CORO7: variants seen among roughly 807,000 people sequenced by gnomAD.
CORO7 encodes the protein coronin-7.
A neutral mutation model predicts 126.6 loss-of-function variants in CORO7; 107 were observed. That is an observed-to-expected ratio of 0.85 (90% confidence interval 0.72 to 0.99). The LOEUF (loss-of-function observed/expected upper bound fraction) is 0.99, where lower values mean the gene tolerates loss of function less well. Ranked by LOEUF, CORO7 falls within the 50% of genes least tolerant of loss-of-function variation. The pLI, the probability that CORO7 is intolerant of heterozygous loss-of-function variation, is 0.00. For missense variants in CORO7, 1,314 were observed against 1,255.8 expected, an observed-to-expected ratio of 1.05 and a Z score of -0.70; for synonymous variants, 603 against 536.8, an observed-to-expected ratio of 1.12 and a Z score of -1.70.
At position 4,402,007 on chromosome 16, in the gene CORO7, C is replaced by T. The variant is rs774826814; in HGVS notation, c.564+3484G>A. On this transcript the variant is annotated intron_variant, in intron 6 of 27. Coordinates refer to ENST00000251166, the MANE Select transcript of CORO7 (RefSeq NM_024535.5). ...AGGCTGGAGTGCAATGGTGTGATCT[C>T]GGCTCACCGCAACCTCCACCTCCCA... Among the ~76,000 whole-genome samples, 47 of 144,770 alleles carry T rather than the reference C, an allele frequency of 3.2e-4. 1 individual carries two copies. Among genetic ancestry groups the T allele is most frequent in the Non-Finnish European group, 2.7e-4 (18 of 66,006 alleles). The allele number at this position is 144,770 out of a possible 152,430, so 95.0% of individuals were successfully genotyped here. A position where few individuals can be genotyped will look rare whatever the true frequency, so the allele number is the denominator to read the frequency against.
chr16:4,364,946 G>T (rs773220704), intron 11 of CORO7, 26 bp from the exon 12 acceptor site: 1 of 1,607,826 alleles, frequency 6.2e-7, no homozygotes, highest in Non-Finnish European at 8.5e-7. Context: ...TAGGGGAACA[G>T]GCAGGATGGG....
In CORO7 at chr16:4,355,303, C is replaced by G. The variant is rs543226131; in HGVS notation, c.2755G>C (p.Val919Leu). 1 of 1,613,478 alleles carries G rather than the reference C, an allele frequency of 6.2e-7. No individual in the cohort carries two copies. Among genetic ancestry groups the G allele is most frequent in the South Asian group, 1.1e-5 (1 of 90,992 alleles). Residue 919 changes from valine to leucine, a missense_variant, in exon 27 of 28, where the codon GTG (valine) becomes CTG (leucine). Coordinates refer to ENST00000251166, the MANE Select transcript of CORO7 (RefSeq NM_024535.5). The stretch of plus-strand genomic sequence containing the variant: ...CTACTCACCCACTCGTCCTCGTCCA[C>G]GCCTTCAAAGGAGTCCTGGGGGAGT... ...DPLPQDSFEG[V>L]DEDEWD is the part of the protein sequence containing the mutation.
intron 9 of CORO7, chr16:4,381,323 G>C (rs751788527): frequency 6.2e-7 from 1 of 1,610,572 alleles, no homozygotes; most frequent in Non-Finnish European, 8.5e-7. Flanking sequence ...ACGCTCGACC[G>C]CCTCCTGGAG....
chr16:4,362,777 T>G lies in CORO7; in HGVS notation c.1276-39A>C. ...TGGGGTCAGCCAGCCTGCTCCTAGG[T>G]GTACTGGCCAAAAGGAGGGGGTGCC... On this transcript the variant is annotated intron_variant, in intron 14 of 27. Coordinates refer to ENST00000251166, the MANE Select transcript of CORO7 (RefSeq NM_024535.5). The surrounding 1 kb of genome is among the most constrained non-coding windows in gnomAD (Gnocchi z 5.3). 1 of 1,313,050 alleles carries G rather than the reference T, an allele frequency of 7.6e-7. No homozygotes were observed. Among genetic ancestry groups the G allele is most frequent in the African/African-American group, 1.5e-5 (1 of 65,232 alleles). 81.3% of individuals were successfully genotyped at this position (1,313,050 alleles called of 1,614,324 possible). A position where few individuals can be genotyped will look rare whatever the true frequency, so the allele number is the denominator to read the frequency against.
intron 1 of CORO7, 24 bp downstream of exon 1, chr16:4,416,435 G>C: frequency 6.4e-7 from 1 of 1,555,092 alleles, no homozygotes; most frequent in Admixed American, 1.9e-5. Flanking sequence ...AGGCGACAGC[G>C]CCCGGTCCTC....
intron 9 of CORO7, among the ~76,000 whole-genome samples, chr16:4,369,826 T>G (rs934284232): frequency 6.6e-6 from 1 of 151,994 alleles, no homozygotes; most frequent in Non-Finnish European, 1.5e-5. Flanking sequence ...GAGAGTTAGT[T>G]AGGATCCTTT....
At chr16:4,401,294 G>A (rs956179813) in intron 6 of CORO7, among the ~76,000 whole-genome samples, 3 of 152,232 alleles carry the variant, frequency 2.0e-5, no homozygotes, top group Non-Finnish European at 4.4e-5. Context: ...CACGTGAGGA[G>A]GCAGATGGTG....
chr16:4,380,458 C>A (rs2404814), intron 9 of CORO7, among the ~76,000 whole-genome samples: 3 of 152,262 alleles, frequency 2.0e-5, no homozygotes, highest in Admixed American at 2.0e-4. Context: ...CTTACACACC[C>A]ACCCAGCTGC....
At chr16:4,407,394 C>A in intron 5 of CORO7, 107 bp downstream of exon 5, 1 of 1,348,852 alleles carries the variant, frequency 7.4e-7, no homozygotes. Flanking sequence ...AAGTGTAAAA[C>A]TTTGATATCT....
chr16:4,415,818 G>A (rs1187541571), intron 1 of CORO7: 3 of 985,492 alleles, frequency 3.0e-6, no homozygotes, highest in African/African-American at 3.5e-5. Flanking sequence ...CCCGGCACCT[G>A]GCTCAGCAAT....
intron 1 of CORO7, chr16:4,414,214 G>T: frequency 6.8e-6 from 1 of 148,116 alleles, no homozygotes; most frequent in African/African-American, 2.5e-5. Context: ...AAAAGAAAAT[G>T]CAAAATGTGG....
intron 23 of CORO7, 136 bp from the exon 24 acceptor site, chr16:4,358,619 T>C (rs911380801): frequency 2.8e-6 from 2 of 718,860 alleles, no homozygotes; most frequent in Non-Finnish European, 4.3e-6. Flanking sequence ...AACGTGTTGA[T>C]CATGTTGAAC....
Position 4,372,533 on chromosome 16 carries a change from G to GA in CORO7, c.786-6989dup, listed in dbSNP as rs372823883. On this transcript the variant is annotated intron_variant, in intron 9 of 27. Transcript: ENST00000251166. Reference sequence around the variant, plus strand: ...CCGATGCCCATCCCTCCAGGTGGGGGATGGACCTGTACTGGCCAGGGCCCT... The same window carrying GA: ...CCGATGCCCATCCCTCCAGGTGGGGGAATGGACCTGTACTGGCCAGGGCCCT... Among the ~76,000 whole-genome samples, 124 of 152,326 alleles carry GA rather than the reference G, an allele frequency of 8.1e-4. 1 individual carries two copies. Among genetic ancestry groups the GA allele is most frequent in the African/African-American group, 2.8e-3 (117 of 41,588 alleles).
rs1555480048 is a variant in CORO7 at position 4,400,825 on chromosome 16, A to AATG, written c.564+4665_564+4666insCAT. ...TAATAATAATAATAATAATAATAAT[A>AATG]ATAATAATGTTTACCATTGGTTCCT... On this transcript the variant is annotated intron_variant, in intron 6 of 27. Transcript: ENST00000251166. Among the ~76,000 whole-genome samples the AATG allele has an allele frequency of 5.4e-4, 81 of 149,682 alleles. 1 individual carries two copies. Among genetic ancestry groups the AATG allele is most frequent in the African/African-American group, 1.9e-3 (78 of 40,908 alleles).
intron 6 of CORO7, among the ~76,000 whole-genome samples, chr16:4,404,349 G>A (rs1177725999): frequency 1.3e-5 from 2 of 152,144 alleles, no homozygotes; most frequent in East Asian, 1.9e-4. Context: ...ACCCACGGCC[G>A]CCTCCCTGGG....
chr16:4,391,792 G>A (rs1317602412), intron 7 of CORO7, among the ~76,000 whole-genome samples: 1 of 152,244 alleles, frequency 6.6e-6, no homozygotes, highest in Non-Finnish European at 1.5e-5. Flanking sequence ...TGCATAGGGG[G>A]CAAGAACAGG....
At chr16:4,397,264 G>A (rs2055630091) in intron 6 of CORO7, 1 of 151,256 alleles carries the variant, frequency 6.6e-6, no homozygotes, top group South Asian at 2.1e-4. Context: ...CCAATAAGGT[G>A]AAACCTCGTC....
rs372168309 is a variant in CORO7 at position 4,355,128 on chromosome 16, C to T, written c.*30G>A. On this transcript the variant is annotated 3_prime_UTR_variant, in exon 28 of 28. Coordinates refer to ENST00000251166, the MANE Select transcript of CORO7 (RefSeq NM_024535.5). The stretch of plus-strand genomic sequence containing the variant: ...AGGTGTGCACTAGGAAGTGGCAGCA[C>T]AGGTGAGGTGGAGGTGACGGGGGCG... 1.0e-5 allele frequency: 15 copies of T among 1,489,620 alleles called. No individual in the cohort carries two copies. The African/African-American group carries it at 2.1e-4, about 21-fold the overall frequency. The allele number at this position is 1,489,620 out of a possible 1,614,324, so 92.3% of individuals were successfully genotyped here.
intron 9 of CORO7, among the ~76,000 whole-genome samples, chr16:4,384,530 C>G (rs531478766): frequency 1.3e-5 from 2 of 152,224 alleles, no homozygotes; most frequent in Non-Finnish European, 2.9e-5. Context: ...GTCATGGCCC[C>G]GGCCCCCAGC....
Sources: allele counts gnomAD v4.1 joint callset (sites outside exome capture counted in the v4.1 genomes callset), GRCh38; gene constraint gnomAD v4.1.1; non-coding constraint Gnocchi (gnomAD v3.1); transcripts MANE v1.5; gene names NCBI Gene and HGNC (gene_info 2026-07-23, HGNC 2026-07-21).